The following AGAP1 variants were observed in gnomAD, a reference collection of about 807,000 sequenced individuals.
AGAP1 encodes the protein arf-GAP with GTPase, ANK repeat and PH domain-containing protein 1.
Under a neutral mutation model 105.3 loss-of-function variants are expected in AGAP1, and 29 were observed. That is an observed-to-expected ratio of 0.28 (90% CI 0.21 to 0.38). The LOEUF (loss-of-function observed/expected upper bound fraction) is 0.38, where lower values mean the gene tolerates loss of function less well. AGAP1 is among the 10% of genes least tolerant of loss of function. The pLI, the probability that AGAP1 is intolerant of heterozygous loss-of-function variation, is 1.00. For missense variants in AGAP1, 998 were observed against 1,165.1 expected (o/e 0.86, Z 2.09); for synonymous variants, 509 against 485.9 (o/e 1.05, Z -0.63).
chr2:235,708,301 C>G (rs1950653922), intron 1 of AGAP1, among the ~76,000 whole-genome samples: 1 of 152,190 alleles, frequency 6.6e-6, no homozygotes, highest in African/African-American at 2.4e-5. Flanking sequence ...CATGTGTTGC[C>G]CGAGCTGCCA....
intron 13 of AGAP1, among the ~76,000 whole-genome samples, chr2:236,025,908 G>GTGGATGGATGGATGGA (rs1553548831): frequency 2.1e-4 from 21 of 100,266 alleles, no homozygotes; most frequent in Admixed American, 4.4e-4. Flanking sequence ...TCTCGGGTGG[G>GTGGATGGATGGATGGA]TGGATGGATG....
chr2:236,028,957 G>A (rs149521646), intron 13 of AGAP1, among the ~76,000 whole-genome samples: 1 of 152,170 alleles, frequency 6.6e-6, no homozygotes, highest in East Asian at 1.9e-4. Flanking sequence ...TCTTCTGGTT[G>A]AGAAATTGGA....
chr2:235,989,077 C>T lies in AGAP1; in HGVS notation c.1645+20454C>T, dbSNP rs1365444302. The stretch of plus-strand genomic sequence containing the variant: ...GAGTTTGCATCCCCTGAGAATTCCT[C>T]TCCTGTGTCCTTCAAATAATAATGT... On this transcript the variant is annotated intron_variant, in intron 13 of 17. Coordinates refer to ENST00000304032, the MANE Select transcript of AGAP1 (RefSeq NM_001037131.3). This position sits in a 1 kb window ranked among gnomAD's most constrained non-coding sequence, Gnocchi z 4.4. Among the ~76,000 whole-genome samples, 2 of 152,192 alleles carry T rather than the reference C, an allele frequency of 1.3e-5. No individual in the cohort carries two copies. The highest frequency in any genetic ancestry group is 6.5e-5 in the Admixed American group (1 of 15,282).
At position 235,988,035 on chromosome 2, in the gene AGAP1, G is replaced by A. The variant is rs1410925853; in HGVS notation, c.1645+19412G>A. On this transcript the variant is annotated intron_variant, in intron 13 of 17. Coordinates refer to ENST00000304032, the MANE Select transcript of AGAP1 (RefSeq NM_001037131.3). The surrounding 1 kb of genome is among the most constrained non-coding windows in gnomAD (Gnocchi z 4.7). ...AAACTCCTTTTGTTATTTTGTGTTT[G>A]TTCGTTTGTTCTGTTTTGTTTTTTG... 2.6e-5 allele frequency among the ~76,000 whole-genome samples: 4 copies of A among 151,400 alleles called. No individual in the cohort carries two copies. The highest frequency in any genetic ancestry group is 3.9e-4 in the East Asian group (2 of 5,174).
At position 235,550,898 on chromosome 2, in the gene AGAP1, C is replaced by T. The variant is rs1943785835; in HGVS notation, c.163+56049C>T. Among the ~76,000 whole-genome samples, 1 of 152,148 alleles carries T rather than the reference C, an allele frequency of 6.6e-6. No individual in the cohort carries two copies. The highest frequency in any genetic ancestry group is 2.4e-5 in the African/African-American group (1 of 41,448). ...CAAGCAATTCTCCTGCCTCAGCCTC[C>T]TGAGTAGCTGGGACTACAGGCGTGC... On this transcript the variant is annotated intron_variant, in intron 1 of 17. Coordinates refer to ENST00000304032, the MANE Select transcript of AGAP1 (RefSeq NM_001037131.3). This position sits in a 1 kb window ranked among gnomAD's most constrained non-coding sequence, Gnocchi z 4.6.
intron 1 of AGAP1, among the ~76,000 whole-genome samples, chr2:235,534,353 G>T (rs1559229771): frequency 1.3e-5 from 2 of 152,156 alleles, no homozygotes; most frequent in East Asian, 1.9e-4. Flanking sequence ...ATGATAGGGG[G>T]TCGGCCAGAC....
At chr2:235,897,962 C>G (rs1020096802) in intron 10 of AGAP1, among the ~76,000 whole-genome samples, 1 of 152,126 alleles carries the variant, frequency 6.6e-6, no homozygotes, top group Non-Finnish European at 1.5e-5. Context: ...GATTTATGTT[C>G]ATTAAGTGCT....
intron 4 of AGAP1, among the ~76,000 whole-genome samples, chr2:235,743,491 G>A (rs1952709266): frequency 6.6e-6 from 1 of 152,056 alleles, no homozygotes; most frequent in Non-Finnish European, 1.5e-5. Context: ...GTCAGCCTTG[G>A]TCCTGGCACT....
In AGAP1 at chr2:235,968,571, G is replaced by A. The variant is rs761620570; in HGVS notation, c.1593G>A (p.Arg531=). The change falls in exon 13 of 18, where the codon AGG becomes AGA. Residue 531 remains arginine, a synonymous_variant. Transcript: ENST00000304032. ...SPHANRKKHR[R]KKSTSNFKAD... ...ACGCCAACAGAAAGAAGCACCGAAG[G>A]AAGAAAAGCACTAGCAACTTCAAAG... 1.9e-6 allele frequency: 3 copies of A among 1,599,382 alleles called. No individual in the cohort carries two copies. The highest frequency in any genetic ancestry group is 2.2e-5 in the South Asian group (2 of 90,194).
intron 6 of AGAP1, among the ~76,000 whole-genome samples, chr2:235,773,520 G>A (rs1179040799): frequency 6.6e-6 from 1 of 152,214 alleles, no homozygotes; most frequent in Non-Finnish European, 1.5e-5. Flanking sequence ...TGCAAAGGGA[G>A]CAGCCTCAGG....
chr2:236,046,025 G>A lies in AGAP1; in HGVS notation c.1892-3034G>A, dbSNP rs1005419439. 3 of 471,444 alleles carry A rather than the reference G, an allele frequency of 6.4e-6. No individual in the cohort carries two copies. The highest frequency in any genetic ancestry group is 6.0e-5 in the African/African-American group (3 of 50,090). The allele number at this position is 471,444 out of a possible 1,614,324, so 29.2% of individuals were successfully genotyped here. On this transcript the variant is annotated intron_variant, in intron 15 of 17. Transcript: ENST00000304032. The surrounding 1 kb of genome is among the most constrained non-coding windows in gnomAD (Gnocchi z 5.2). ...GGACCTGACAGCCTGGGAGCTGCTGGGGGGAGGTAGGAGGGGGTGCACCAC... is the reference window on the plus strand; with the variant it reads ...GGACCTGACAGCCTGGGAGCTGCTGAGGGGAGGTAGGAGGGGGTGCACCAC...
chr2:235,905,987 G>A lies in AGAP1; in HGVS notation c.1156-2751G>A, dbSNP rs192599349. Among the ~76,000 whole-genome samples the A allele has an allele frequency of 2.2e-4, 34 of 152,284 alleles. No homozygotes were observed. The East Asian group carries it at 6.4e-3, about 29-fold the overall frequency. On this transcript the variant is annotated intron_variant, in intron 10 of 17. Coordinates refer to ENST00000304032, the MANE Select transcript of AGAP1 (RefSeq NM_001037131.3). This position sits in a 1 kb window ranked among gnomAD's most constrained non-coding sequence, Gnocchi z 4.2. ...GAGTCCAGCATCTCAACTTCCAAGT[G>A]GAATCCCTTTCGGGGGCTGGTGAAG...
chr2:235,748,092 G>A (rs1029268555), intron 5 of AGAP1, among the ~76,000 whole-genome samples: 3 of 152,232 alleles, frequency 2.0e-5, no homozygotes, highest in Admixed American at 1.3e-4. Context: ...AAATTAAATT[G>A]ATTTGAGGGA....
chr2:235,644,822 T>C (rs1215594686), intron 1 of AGAP1, among the ~76,000 whole-genome samples: 4 of 152,204 alleles, frequency 2.6e-5, no homozygotes, highest in Non-Finnish European at 5.9e-5. Context: ...GTGTGTCAGC[T>C]TCGCTGTCTT....
At chr2:236,006,083 A>G (rs1306868632) in intron 13 of AGAP1, among the ~76,000 whole-genome samples, 1 of 152,116 alleles carries the variant, frequency 6.6e-6, no homozygotes, top group Non-Finnish European at 1.5e-5. Context: ...TCAGTTGTCT[A>G]TTTGTATTCA....
chr2:235,748,285 G>C (rs937053112), intron 5 of AGAP1, among the ~76,000 whole-genome samples: 1 of 152,208 alleles, frequency 6.6e-6, no homozygotes, highest in Admixed American at 6.5e-5. Context: ...GGGGCTGCGG[G>C]ATTGCTCGGC....
chr2:235,575,924 AAAG>A, intron 1 of AGAP1, among the ~76,000 whole-genome samples: 1 of 152,108 alleles, frequency 6.6e-6, no homozygotes, highest in East Asian at 1.9e-4. Flanking sequence ...TCTGTTTTCA[AAAG>A]AAGATGATGT....
intron 3 of AGAP1, among the ~76,000 whole-genome samples, chr2:235,731,455 A>G (rs1486126339): frequency 6.6e-6 from 1 of 152,184 alleles, no homozygotes; most frequent in Non-Finnish European, 1.5e-5. Context: ...ATTTTGATGT[A>G]AGGGAAAAGA....
chr2:235,707,991 C>G (rs373348474), intron 1 of AGAP1, among the ~76,000 whole-genome samples: 35 of 152,316 alleles, frequency 2.3e-4, no homozygotes, highest in African/African-American at 7.2e-4. Context: ...GTTGTGCTCC[C>G]CAGGGTGTGC....
Sources: gnomAD v4.1 joint callset for allele counts (sites outside exome capture counted in the v4.1 genomes callset) on GRCh38, gnomAD v4.1.1 for gene constraint, Gnocchi (gnomAD v3.1) non-coding constraint, MANE v1.5 for transcripts, NCBI Gene and HGNC (gene_info 2026-07-23, HGNC 2026-07-21) for gene names.